DNAH1: variants seen among roughly 807,000 people sequenced by gnomAD.
DNAH1 encodes the protein axonemal beta dynein heavy chain 1.
A neutral mutation model predicts 484.3 loss-of-function variants in DNAH1; 327 were observed. That is an observed-to-expected ratio of 0.68 (90% CI 0.62 to 0.74). The LOEUF is 0.74. Ranked by LOEUF, DNAH1 falls within the 30% of genes least tolerant of loss-of-function variation. The probability of loss-of-function intolerance (pLI) is 0.00; values close to 1 mark genes in which losing one functional copy is unlikely to be tolerated. For synonymous variants in DNAH1, 2,192 were observed against 2,191.9 expected (o/e 1.00, Z 0.00); for missense variants, 5,052 against 5,546.8 (o/e 0.91, Z 2.83).
chr3:52,343,266 G>A (rs1445644311), intron 8 of DNAH1, among the ~76,000 whole-genome samples: 2 of 152,278 alleles, frequency 1.3e-5, no homozygotes, highest in Non-Finnish European at 2.9e-5. Flanking sequence ...GGCTTCTAAT[G>A]TGGGACATAC....
chr3:52,320,570 C>G (rs1034613897), intron 1 of DNAH1, among the ~76,000 whole-genome samples: 4 of 152,194 alleles, frequency 2.6e-5, no homozygotes, highest in Non-Finnish European at 5.9e-5. Context: ...GGCCACCCAC[C>G]CCACTCCTCA....
intron 32 of DNAH1, among the ~76,000 whole-genome samples, chr3:52,363,637 T>C (rs1300403108): frequency 6.6e-6 from 1 of 152,150 alleles, no homozygotes; most frequent in Non-Finnish European, 1.5e-5. Context: ...TCAGCTTGGT[T>C]CCCAAACAGG....
chr3:52,327,881 G>A lies in DNAH1; in HGVS notation c.739-1G>A, dbSNP rs763001255. On this transcript the variant is annotated splice_acceptor_variant, in intron 5 of 77. Transcript: ENST00000420323. LOFTEE classifies it high-confidence loss of function. Reference sequence around the variant, plus strand: ...CCCAATGTTGGCCTGCTTTCTTCCAGGTATTTGACAATGAGGACTTTGACT... The same window carrying A: ...CCCAATGTTGGCCTGCTTTCTTCCAAGTATTTGACAATGAGGACTTTGACT... 8.1e-6 allele frequency: 13 copies of A among 1,613,118 alleles called. No individual in the cohort carries two copies.
chr3:52,317,350 GC>G (rs1700983389), intron 1 of DNAH1, among the ~76,000 whole-genome samples: 1 of 152,134 alleles, frequency 6.6e-6, no homozygotes, highest in Non-Finnish European at 1.5e-5. Flanking sequence ...GGGCGCATCC[GC>G]TGCCCAGCGG....
chr3:52,314,763 G>A (rs1578050944), upstream of DNAH1, among the ~76,000 whole-genome samples: 1 of 152,216 alleles, frequency 6.6e-6, no homozygotes. Context: ...CACTCAGGGA[G>A]TGTGTCCTGA....
At chr3:52,357,329 C>T (rs1484700927) in intron 22 of DNAH1, among the ~76,000 whole-genome samples, 2 of 152,202 alleles carry the variant, frequency 1.3e-5, no homozygotes, top group African/African-American at 4.8e-5. Flanking sequence ...GCTGAGATTA[C>T]AGACGTGAGC....
In DNAH1 at chr3:52,381,221, G is replaced by A. The variant is rs1578179266; in HGVS notation, c.7609-419G>A. On this transcript the variant is annotated intron_variant, in intron 48 of 77. Transcript: ENST00000420323. The surrounding 1 kb of genome is among the most constrained non-coding windows in gnomAD (Gnocchi z 4.1). ...GCTCTATCAGTCGTCCCACCTCAGC[G>A]TCCTGAGTAGCTGGGACCACAGGCA... 1.3e-5 allele frequency among the ~76,000 whole-genome samples: 2 copies of A among 152,064 alleles called. No individual in the cohort carries two copies. The highest frequency in any genetic ancestry group is 2.1e-4 in the South Asian group (1 of 4,820).
chr3:52,334,348 C>G (rs1391615911), intron 8 of DNAH1, among the ~76,000 whole-genome samples: 2 of 152,168 alleles, frequency 1.3e-5, no homozygotes, highest in African/African-American at 4.8e-5. Flanking sequence ...CTGGAAGTTG[C>G]GGTGGTTGAG....
Position 52,358,710 on chromosome 3 carries a change from T to C in DNAH1, c.4239T>C (p.Ile1413=), listed in dbSNP as rs757915377. ...TGAAGGCCAGTGTGCACGACATCAT[T>C]GAGAAGGCCATCAGGGCCTACCCCA... The part of the protein sequence containing the change: ...RSMKASVHDI[I]EKAIRAYPTM... The change falls in exon 25 of 78, where the codon ATT becomes ATC. Residue 1413 remains isoleucine, a synonymous_variant. Coordinates refer to ENST00000420323, the MANE Select transcript of DNAH1 (RefSeq NM_015512.5). The surrounding 1 kb of genome is among the most constrained non-coding windows in gnomAD (Gnocchi z 4.2). The C allele has an allele frequency of 1.6e-5, 25 of 1,612,854 alleles. No homozygotes were observed. Among genetic ancestry groups the C allele is most frequent in the Non-Finnish European group, 1.9e-5 (22 of 1,179,722 alleles).
Position 52,353,418 on chromosome 3 carries a change from G to C in DNAH1, c.3265G>C (p.Glu1089Gln). 6.2e-7 allele frequency: 1 copy of C among 1,613,728 alleles called. No individual in the cohort carries two copies. Among genetic ancestry groups the C allele is most frequent in the Non-Finnish European group, 8.5e-7 (1 of 1,179,778 alleles). Residue 1089 changes from glutamate to glutamine, a missense_variant, in exon 20 of 78, where the codon GAG becomes CAG. This residue lies in a region of DNAH1 where 2,929 missense variants were observed against 3,409.4 expected (regional missense o/e 0.86). Transcript: ENST00000420323. This position sits in a 1 kb window ranked among gnomAD's most constrained non-coding sequence, Gnocchi z 5.0. ...GGCCTTGGACATCCGGGCCCGCATC[G>C]AGGAGTTCAAACCATACATCCCACT... is the stretch of plus-strand genomic sequence containing the variant. ...EVALDIRARI[E>Q]EFKPYIPLIQ...
rs1193306141 is a variant in DNAH1 at position 52,395,370 on chromosome 3, G to A, written c.11031G>A (p.Leu3677=). Reference sequence around the variant, plus strand: ...CCACCACACCCCTCATCTTTGTGCTGTCACCCGGCACAGACCCTGCTGCCG... The same window carrying A: ...CCACCACACCCCTCATCTTTGTGCTATCACCCGGCACAGACCCTGCTGCCG... ...SNSTTPLIFV[L]SPGTDPAADL... is the part of the protein sequence containing the mutation. The change falls in exon 69 of 78, where the codon CTG becomes CTA. Residue 3677 remains leucine (L), a synonymous_variant. Transcript: ENST00000420323. This position sits in a 1 kb window ranked among gnomAD's most constrained non-coding sequence, Gnocchi z 4.4. 15 of 1,613,732 alleles carry A rather than the reference G, an allele frequency of 9.3e-6. No homozygotes were observed. Among genetic ancestry groups the A allele is most frequent in the Non-Finnish European group, 1.3e-5 (15 of 1,179,878 alleles).
intron 44 of DNAH1, chr3:52,373,837 CAGA>C (rs1703464665): frequency 7.1e-6 from 10 of 1,412,492 alleles, no homozygotes; most frequent in Non-Finnish European, 1.0e-5. Flanking sequence ...CCTGTTTACC[CAGA>C]AGTAGTCCAT....
At chr3:52,378,810 G>C (rs1359653809) in intron 47 of DNAH1, 30 bp downstream of exon 47, 3 of 1,612,146 alleles carry the variant, frequency 1.9e-6, no homozygotes, top group Non-Finnish European at 2.5e-6. Context: ...CCTCCCCAGT[G>C]CCCACACTGC....
chr3:52,326,624 G>A, intron 4 of DNAH1, 111 bp from the exon 5 acceptor site: 1 of 1,337,228 alleles, frequency 7.5e-7, no homozygotes, highest in Non-Finnish European at 1.0e-6. Context: ...CTCCAGAGGG[G>A]TCTCTCGGCC....
At chr3:52,356,395 TG>T (rs1268484332) in intron 21 of DNAH1, among the ~76,000 whole-genome samples, 2 of 152,188 alleles carry the variant, frequency 1.3e-5, no homozygotes, top group Admixed American at 6.5e-5. Context: ...TGTGGGGATG[TG>T]GGACTTCTCT....
At position 52,386,841 on chromosome 3, in the gene DNAH1, C is replaced by T; in HGVS notation, c.8991C>T (p.Phe2997=). The T allele has an allele frequency of 6.4e-7, 1 of 1,571,198 alleles. No homozygotes were observed. The stretch of plus-strand genomic sequence containing the variant: ...CGGGCCACTTCCTTGAGAGCCTCTT[C>T]AAGTTTGACAAGGTAAGCATGCCAG... ...QDPGHFLESL[F]KFDKDNIGDV... The change falls in exon 56 of 78, where the codon TTC becomes TTT. Residue 2997 remains phenylalanine (F), a synonymous_variant. Transcript: ENST00000420323.
chr3:52,395,364 T>C lies in DNAH1; in HGVS notation c.11025T>C (p.Phe3675=), dbSNP rs761690052. The C allele has an allele frequency of 6.2e-7, 1 of 1,613,852 alleles. No homozygotes were observed. Residue 3675 remains phenylalanine (F), a synonymous_variant, in exon 69 of 78, where the codon TTT becomes TTC. Transcript: ENST00000420323. This position sits in a 1 kb window ranked among gnomAD's most constrained non-coding sequence, Gnocchi z 4.4. ...KDSNSTTPLI[F]VLSPGTDPAA... ...CCAACTCCACCACACCCCTCATCTT[T>C]GTGCTGTCACCCGGCACAGACCCTG...
Sources: allele counts gnomAD v4.1 joint callset (sites outside exome capture counted in the v4.1 genomes callset), GRCh38; gene constraint gnomAD v4.1.1; regional missense constraint gnomAD v4.1.1; non-coding constraint Gnocchi (gnomAD v3.1); transcripts MANE v1.5; gene names NCBI Gene and HGNC (gene_info 2026-07-23, HGNC 2026-07-21).